ATP8A2: variants seen among roughly 807,000 people sequenced by gnomAD.
ATP8A2 encodes ATPase phospholipid transporting 8A2, also known as phospholipid-transporting ATPase IB.
In ATP8A2, 100 loss-of-function variants were observed where a neutral mutation model predicts 165.6. The observed-to-expected ratio is 0.60, with a 90% confidence interval of 0.51 to 0.71. ATP8A2 has a LOEUF of 0.71. Among genes scored for constraint, ATP8A2 ranks in the 30% least tolerant of loss-of-function variants. The probability of loss-of-function intolerance (pLI) is 0.00; values close to 1 mark genes in which losing one functional copy is unlikely to be tolerated. For missense variants in ATP8A2, 1,227 were observed against 1,479.5 expected, an observed-to-expected ratio of 0.83 and a Z score of 2.80; for synonymous variants, 543 against 548.8, an observed-to-expected ratio of 0.99 and a Z score of 0.15.
intron 24 of ATP8A2, among the ~76,000 whole-genome samples, chr13:25,639,668 C>A (rs993314089): frequency 1.1e-4 from 17 of 152,112 alleles, no homozygotes; most frequent in Middle Eastern, 3.4e-3. Flanking sequence ...ACTTTAATAC[C>A]CCACTGTCAA....
At chr13:25,529,921 T>C in intron 2 of ATP8A2, 78 bp from the exon 3 acceptor site, 3 of 801,224 alleles carry the variant, frequency 3.7e-6, no homozygotes, top group Non-Finnish European at 6.0e-6. Context: ...TGTAAAACTT[T>C]CTAAACTTCT....
At chr13:25,706,136 G>A (rs1373210301) in intron 25 of ATP8A2, among the ~76,000 whole-genome samples, 1 of 152,154 alleles carries the variant, frequency 6.6e-6, no homozygotes, top group Non-Finnish European at 1.5e-5. Context: ...TCCCTGCTGG[G>A]ACAAACATAT....
At chr13:25,401,734 T>C (rs1435160102) in intron 1 of ATP8A2, among the ~76,000 whole-genome samples, 1 of 152,190 alleles carries the variant, frequency 6.6e-6, no homozygotes, top group Admixed American at 6.5e-5. Flanking sequence ...ACTATGCTTC[T>C]TCCTGCACAT....
chr13:25,769,053 C>G lies in ATP8A2; in HGVS notation c.2392C>G (p.Pro798Ala). The G allele has an allele frequency of 6.2e-7, 1 of 1,614,130 alleles. No individual in the cohort carries two copies. The highest frequency in any genetic ancestry group is 8.5e-7 in the Non-Finnish European group (1 of 1,179,980). The part of the protein sequence containing the change: ...CKAVICCRVS[P>A]LQKSEIVDVV... Reference sequence around the variant, plus strand: ...CCCTCTCTTTTCTCACAGAGTGTCTCCTCTGCAGAAGTCTGAGATAGTGGA... The same window carrying G: ...CCCTCTCTTTTCTCACAGAGTGTCTGCTCTGCAGAAGTCTGAGATAGTGGA... The change falls in exon 26 of 37, where the codon CCT (proline) becomes GCT (alanine). Residue 798 changes from proline (P) to alanine (A), a missense_variant. By Grantham distance (27) the Pro-to-Ala change is conservative. Coordinates refer to ENST00000381655, the MANE Select transcript of ATP8A2 (RefSeq NM_016529.6).
chr13:25,885,255 GGTGCCCACCAGC>G (rs1384083034), intron 33 of ATP8A2, among the ~76,000 whole-genome samples: 12 of 149,922 alleles, frequency 8.0e-5, no homozygotes, highest in African/African-American at 2.8e-4. Context: ...TGGGACTACA[GGTGCCCACCAGC>G]ATGCCTGGCT....
intron 25 of ATP8A2, among the ~76,000 whole-genome samples, chr13:25,707,486 G>T (rs1205606318): frequency 6.6e-6 from 1 of 152,064 alleles, no homozygotes; most frequent in Non-Finnish European, 1.5e-5. Flanking sequence ...TTATGTCCTG[G>T]ACTAATAAAA....
chr13:25,444,156 C>T (rs181174622), intron 1 of ATP8A2, among the ~76,000 whole-genome samples: 156 of 152,260 alleles, frequency 1.0e-3, no homozygotes, highest in African/African-American at 3.5e-3. Context: ...GATTAGTTTG[C>T]CTTTGAATGT....
At chr13:25,691,092 A>C (rs1363193657) in intron 24 of ATP8A2, among the ~76,000 whole-genome samples, 1 of 152,232 alleles carries the variant, frequency 6.6e-6, no homozygotes, top group East Asian at 1.9e-4. Flanking sequence ...TAGGCCAAAC[A>C]GAAGAGACTG....
At chr13:25,894,566 G>T (rs1021386419) in intron 33 of ATP8A2, among the ~76,000 whole-genome samples, 3 of 152,136 alleles carry the variant, frequency 2.0e-5, no homozygotes, top group Non-Finnish European at 4.4e-5. Context: ...TTCCAATTCT[G>T]TGAAGAAAGT....
intron 25 of ATP8A2, among the ~76,000 whole-genome samples, chr13:25,707,784 A>C (rs2043082713): frequency 6.6e-6 from 1 of 152,200 alleles, no homozygotes; most frequent in African/African-American, 2.4e-5. Flanking sequence ...AATGGTTCTG[A>C]AACCTGATTT....
chr13:25,928,400 T>G (rs1954671018), intron 33 of ATP8A2, among the ~76,000 whole-genome samples: 1 of 152,258 alleles, frequency 6.6e-6, no homozygotes, highest in African/African-American at 2.4e-5. Flanking sequence ...CCTCTCTCCT[T>G]CATTTACATT....
In ATP8A2 at chr13:26,022,303, A is replaced by C. The variant is rs1179430937; in HGVS notation, c.*2318A>C. 1.3e-5 allele frequency: 2 copies of C among 152,228 alleles called. No individual in the cohort carries two copies. The highest frequency in any genetic ancestry group is 2.4e-5 in the African/African-American group (1 of 41,462). 9.4% of individuals were successfully genotyped at this position (152,228 alleles called of 1,614,324 possible). A position where few individuals can be genotyped will look rare whatever the true frequency, so the allele number is the denominator to read the frequency against. On this transcript the variant is annotated 3_prime_UTR_variant, in exon 37 of 37. Coordinates refer to ENST00000381655, the MANE Select transcript of ATP8A2 (RefSeq NM_016529.6). ...TTGGGAACTAAGCCTATTTGGAAAGAGTGGATTAGAAATTGAATTCTTTGT... is the reference window on the plus strand; with the variant it reads ...TTGGGAACTAAGCCTATTTGGAAAGCGTGGATTAGAAATTGAATTCTTTGT...
At chr13:25,567,088 C>A (rs923848944) in intron 16 of ATP8A2, 1 of 274,332 alleles carries the variant, frequency 3.6e-6, no homozygotes, top group Admixed American at 4.6e-5. Flanking sequence ...TCTCTGGGGA[C>A]CCCCTACATG....
At chr13:25,532,536 G>A (rs1213654177) in intron 5 of ATP8A2, among the ~76,000 whole-genome samples, 2 of 152,132 alleles carry the variant, frequency 1.3e-5, no homozygotes, top group Non-Finnish European at 2.9e-5. Context: ...AGAAAAGGTT[G>A]TAATTTTCAG....
intron 13 of ATP8A2, among the ~76,000 whole-genome samples, chr13:25,556,725 C>T (rs2038992389): frequency 6.6e-6 from 1 of 152,062 alleles, no homozygotes; most frequent in Non-Finnish European, 1.5e-5. Context: ...ACCAGGAACC[C>T]TAAGGGGAGG....
chr13:25,726,083 G>C (rs76819899), intron 25 of ATP8A2, among the ~76,000 whole-genome samples: 2,923 of 152,218 alleles, frequency 0.019, 87 homozygotes, highest in African/African-American at 0.066. Flanking sequence ...TTTTGGACCC[G>C]TTTGTTTCGA....
chr13:25,786,213 C>T (rs753619079), intron 27 of ATP8A2, among the ~76,000 whole-genome samples: 6 of 152,146 alleles, frequency 3.9e-5, no homozygotes, highest in Non-Finnish European at 7.3e-5. Flanking sequence ...TAAATAATCT[C>T]CATTGCGTTC....
In ATP8A2 at chr13:25,558,981, T is replaced by G. The variant is rs1593531290; in HGVS notation, c.1272T>G (p.Tyr424Ter). ...NLNEELGQVK[Y>*]LFSDKTGTLT... ...TTTATTCTTTGGTTTAGGTGAAATATCTCTTTTCTGACAAGACTGGAACGC... is the reference window on the plus strand; with the variant it reads ...TTTATTCTTTGGTTTAGGTGAAATAGCTCTTTTCTGACAAGACTGGAACGC... Residue 424 changes from tyrosine to a stop codon, truncating the protein, a stop_gained, in exon 14 of 37, where the codon TAT becomes TAG. Transcript: ENST00000381655. LOFTEE classifies it high-confidence loss of function. 1.2e-6 allele frequency: 2 copies of G among 1,605,358 alleles called. No individual in the cohort carries two copies. The highest frequency in any genetic ancestry group is 1.7e-5 in the Admixed American group (1 of 58,850).
At chr13:25,625,791 G>T (rs1054831904) in intron 24 of ATP8A2, among the ~76,000 whole-genome samples, 7 of 152,138 alleles carry the variant, frequency 4.6e-5, no homozygotes, top group African/African-American at 1.4e-4. Flanking sequence ...GGCATAATTG[G>T]TGTATAACTC....
Sources: gnomAD v4.1 joint callset for allele counts (sites outside exome capture counted in the v4.1 genomes callset) on GRCh38, gnomAD v4.1.1 for gene constraint, MANE v1.5 for transcripts, NCBI Gene and HGNC (gene_info 2026-07-23, HGNC 2026-07-21) for gene names.